Variants in FMNL3 observed in about 807,000 individuals in gnomAD.
FMNL3 encodes formin like 3, also known as formin-like protein 3.
In FMNL3, 57 loss-of-function variants were observed where a neutral mutation model predicts 119.6. That is an observed-to-expected ratio of 0.48 (90% confidence interval 0.39 to 0.59). FMNL3 has a LOEUF of 0.59. FMNL3 is among the 20% of genes least tolerant of loss of function. FMNL3 has a pLI of 0.00. For synonymous variants in FMNL3, 491 were observed against 507.3 expected, an observed-to-expected ratio of 0.97 and a Z score of 0.43; for missense variants, 1,053 against 1,323.5, an observed-to-expected ratio of 0.80 and a Z score of 3.17.
At chr12:49,701,196 T>C (rs1298537144) in intron 1 of FMNL3, among the ~76,000 whole-genome samples, 1 of 151,946 alleles carries the variant, frequency 6.6e-6, no homozygotes, top group Non-Finnish European at 1.5e-5. Flanking sequence ...ATGATCCCAA[T>C]TGTTAAAAAA....
At chr12:49,699,259 C>T (rs1592699682) in intron 1 of FMNL3, among the ~76,000 whole-genome samples, 2 of 152,216 alleles carry the variant, frequency 1.3e-5, no homozygotes, top group East Asian at 3.8e-4. Flanking sequence ...TTCTGGGGCA[C>T]ATACTTTGGT....
rs1943233479 is a variant in FMNL3, at chr12:49,647,255, C to T, written c.2871+21G>A. On this transcript the variant is annotated intron_variant, in intron 24 of 25. Transcript: ENST00000335154. The surrounding 1 kb of genome is among the most constrained non-coding windows in gnomAD (Gnocchi z 4.9). ...CTTTTGCCTTGTCGTCCTCCAGGCC[C>T]CAGCTCTTGGTCCCACCCACCTTGG... The T allele has an allele frequency of 1.2e-6, 2 of 1,613,688 alleles. No homozygotes were observed. Among genetic ancestry groups the T allele is most frequent in the Non-Finnish European group, 1.7e-6 (2 of 1,179,732 alleles).
intron 1 of FMNL3, among the ~76,000 whole-genome samples, chr12:49,696,702 A>G: frequency 6.6e-6 from 1 of 152,246 alleles, no homozygotes; most frequent in Non-Finnish European, 1.5e-5. Flanking sequence ...TCAAAGAGGT[A>G]GACCCCATCA....
At chr12:49,691,487 A>G (rs531238584) in intron 1 of FMNL3, among the ~76,000 whole-genome samples, 13 of 152,304 alleles carry the variant, frequency 8.5e-5, no homozygotes, top group Middle Eastern at 6.8e-3. Flanking sequence ...TGGAAATGAC[A>G]GAGACTAAAA....
chr12:49,669,961 G>A (rs1944000216), intron 1 of FMNL3, among the ~76,000 whole-genome samples: 1 of 152,130 alleles, frequency 6.6e-6, no homozygotes, highest in Non-Finnish European at 1.5e-5. Context: ...AAATATGATC[G>A]CCTACCCAAA....
chr12:49,691,632 C>T (rs1944602685), intron 1 of FMNL3, among the ~76,000 whole-genome samples: 1 of 152,212 alleles, frequency 6.6e-6, no homozygotes, highest in Admixed American at 6.5e-5. Context: ...GCACAGGGCA[C>T]AGGGCAGTGG....
Position 49,654,937 on chromosome 12 carries a change from C to T in FMNL3, c.933G>A (p.Arg311=), listed in dbSNP as rs752925641. ...HRFEKLMEYF[R]NEDSNIDFMV... ...TGAAGTCAATATTGCTGTCCTCATT[C>T]CGGAAATACTCCATCAGCTTCTCAA... The change falls in exon 10 of 26, where the codon CGG becomes CGA. Residue 311 remains arginine, a synonymous_variant. Transcript: ENST00000335154. 2.1e-5 allele frequency: 34 copies of T among 1,613,994 alleles called. No homozygotes were observed. The highest frequency in any genetic ancestry group is 4.5e-5 in the East Asian group (2 of 44,900).
chr12:49,662,223 G>C (rs1463952661), intron 4 of FMNL3, among the ~76,000 whole-genome samples, 174 bp from the exon 5 acceptor site: 1 of 152,140 alleles, frequency 6.6e-6, no homozygotes, highest in Non-Finnish European at 1.5e-5. Flanking sequence ...CTTCCCCTAG[G>C]CAGGGAAGTC....
At chr12:49,685,625 C>T (rs1944437427) in intron 1 of FMNL3, among the ~76,000 whole-genome samples, 1 of 152,204 alleles carries the variant, frequency 6.6e-6, no homozygotes. Context: ...AGAAAGGTGA[C>T]TAGTACGTGC....
In FMNL3 at chr12:49,699,958, T is replaced by C. The variant is rs181509830; in HGVS notation, c.126+7097A>G. Among the ~76,000 whole-genome samples, 9 of 152,354 alleles carry C rather than the reference T, an allele frequency of 5.9e-5. No homozygotes were observed. The East Asian group carries it at 1.7e-3, about 29-fold the overall frequency. The stretch of plus-strand genomic sequence containing the variant: ...ACTGATAAAACTTTTTCAGAAGATA[T>C]ATGTCTCAAACGCCTTTAAAAACCA... On this transcript the variant is annotated intron_variant, in intron 1 of 25. Coordinates refer to ENST00000335154, the MANE Select transcript of FMNL3 (RefSeq NM_175736.5).
chr12:49,651,478 C>T, intron 14 of FMNL3, 28 bp from the exon 15 acceptor site: 1 of 1,449,824 alleles, frequency 6.9e-7, no homozygotes, highest in African/African-American at 1.4e-5. Context: ...GACACAGTGA[C>T]CCAGGCGTCA....
At position 49,649,551 on chromosome 12, in the gene FMNL3, A is replaced by G. The variant is rs1200517644; in HGVS notation, c.2236-13T>C. On this transcript the variant is annotated splice_polypyrimidine_tract_variant and intron_variant, in intron 18 of 25. Transcript: ENST00000335154. This position sits in a 1 kb window ranked among gnomAD's most constrained non-coding sequence, Gnocchi z 5.6. ...TGGCATTGAGTTGCTGTAGGACAAT[A>G]TGAACACTGAAGTAACCCCAGGCTG... 1.2e-6 allele frequency: 2 copies of G among 1,613,986 alleles called. No individual in the cohort carries two copies. The highest frequency in any genetic ancestry group is 1.7e-6 in the Non-Finnish European group (2 of 1,180,040).
At chr12:49,650,625 AC>A (rs762373247) in intron 17 of FMNL3, 50 bp downstream of exon 17, 1 of 1,596,424 alleles carries the variant, frequency 6.3e-7, no homozygotes, top group Non-Finnish European at 8.6e-7. Flanking sequence ...TGGGTGGAGA[AC>A]TGGGTTGCCA....
intron 1 of FMNL3, among the ~76,000 whole-genome samples, chr12:49,705,396 G>A (rs1415787130): frequency 6.6e-6 from 1 of 152,124 alleles, no homozygotes; most frequent in Non-Finnish European, 1.5e-5. Context: ...TCAACCAAGG[G>A]CCAATGAGAA....
rs1943301861 is a variant in FMNL3, at chr12:49,648,915, G to A, written c.2515+114C>T. 4 of 1,456,672 alleles carry A rather than the reference G, an allele frequency of 2.7e-6. No homozygotes were observed. The African/African-American group carries it at 5.7e-5, about 21-fold the overall frequency. 90.2% of individuals were successfully genotyped at this position (1,456,672 alleles called of 1,614,324 possible). The stretch of plus-strand genomic sequence containing the variant: ...CGGAAAGCTTTGAAGTGGTCAGAAA[G>A]AAGATAACAAAAGCCAGAAACAAAT... On this transcript the variant is annotated intron_variant, in intron 21 of 25. Coordinates refer to ENST00000335154, the MANE Select transcript of FMNL3 (RefSeq NM_175736.5).
chr12:49,669,131 A>T (rs1678202587), intron 1 of FMNL3, among the ~76,000 whole-genome samples: 1 of 152,240 alleles, frequency 6.6e-6, no homozygotes, highest in South Asian at 2.1e-4. Context: ...ATATCAGCAC[A>T]CAAGTGAATG....
chr12:49,654,275 C>A lies in FMNL3; in HGVS notation c.988G>T (p.Val330Leu). 1.2e-6 allele frequency: 2 copies of A among 1,613,940 alleles called. No individual in the cohort carries two copies. The highest frequency in any genetic ancestry group is 1.7e-6 in the Non-Finnish European group (2 of 1,179,980). Residue 330 changes from valine to leucine, a missense_variant, in exon 11 of 26, where the codon GTG becomes TTG. This residue lies in a region of FMNL3 where 445 missense variants were observed against 628.4 expected (regional missense o/e 0.71). Coordinates refer to ENST00000335154, the MANE Select transcript of FMNL3 (RefSeq NM_175736.5). ...TTCATGTCCTCCACCGAGTGCACCA[C>A]GATGTTGATGAACTGCATGCAGGCC... ...MVACMQFINI[V>L]VHSVEDMNFR...
chr12:49,637,891 C>T lies in FMNL3; in HGVS notation c.*7924G>A. On this transcript the variant is annotated 3_prime_UTR_variant, in exon 26 of 26. Coordinates refer to ENST00000335154, the MANE Select transcript of FMNL3 (RefSeq NM_175736.5). ...AGGGCACACTCCCTGCAGAGGACTC[C>T]CTGATAAGTCCTGTTTTGCAGAAGC... The T allele has an allele frequency of 3.1e-6, 4 of 1,283,882 alleles. No homozygotes were observed. In the South Asian group the frequency reaches 5.0e-5, roughly 16 times the overall value. The allele number at this position is 1,283,882 out of a possible 1,614,324, so 79.5% of individuals were successfully genotyped here.
intron 11 of FMNL3, 116 bp downstream of exon 11, chr12:49,654,076 G>T (rs1943492767): frequency 1.7e-6 from 2 of 1,177,398 alleles, no homozygotes; most frequent in Non-Finnish European, 2.4e-6. Flanking sequence ...GGCTACAGAA[G>T]ACAGGCAGGG....
Sources: gnomAD v4.1 joint callset for allele counts (sites outside exome capture counted in the v4.1 genomes callset) on GRCh38, gnomAD v4.1.1 for gene constraint, gnomAD v4.1.1 regional missense constraint, Gnocchi (gnomAD v3.1) non-coding constraint, MANE v1.5 for transcripts, NCBI Gene and HGNC (gene_info 2026-07-23, HGNC 2026-07-21) for gene names.